Variants in PRKG1 observed in about 807,000 individuals in gnomAD.
The protein encoded by PRKG1 is cGMP-dependent protein kinase 1.
A neutral mutation model predicts 88.1 loss-of-function variants in PRKG1; 35 were observed. That is an observed-to-expected ratio of 0.40 (90% CI 0.30 to 0.53). The LOEUF (loss-of-function observed/expected upper bound fraction) is 0.53, where lower values mean the gene tolerates loss of function less well. Among genes scored for constraint, PRKG1 ranks in the 20% least tolerant of loss-of-function variants. The pLI is 0.59. For missense variants in PRKG1, 540 were observed against 839.8 expected, an observed-to-expected ratio of 0.64 and a Z score of 4.41; for synonymous variants, 303 against 292.5, an observed-to-expected ratio of 1.04 and a Z score of -0.37.
At chr10:52,147,582 G>A (rs1279296205) in intron 8 of PRKG1, among the ~76,000 whole-genome samples, 1 of 152,166 alleles carries the variant, frequency 6.6e-6, no homozygotes. Flanking sequence ...TACCAACAAA[G>A]TAAGTGGTAA....
At chr10:51,241,266 T>C (rs897261912) in intron 2 of PRKG1, among the ~76,000 whole-genome samples, 1 of 151,226 alleles carries the variant, frequency 6.6e-6, no homozygotes, top group African/African-American at 2.4e-5. Flanking sequence ...CACGGCGTCA[T>C]GGCACAGGCA....
chr10:51,562,291 T>C (rs568491974), intron 3 of PRKG1, among the ~76,000 whole-genome samples: 67 of 152,180 alleles, frequency 4.4e-4, no homozygotes, highest in African/African-American at 1.6e-3. Flanking sequence ...GGTTTTCATC[T>C]TTTGCAAGGG....
chr10:51,319,856 G>A (rs554697490), intron 2 of PRKG1: 1 of 154,940 alleles, frequency 6.5e-6, no homozygotes, highest in African/African-American at 2.4e-5. Flanking sequence ...CCATGTCCAA[G>A]ACTCTGAAAA....
At chr10:52,218,804 G>A (rs189287807) in intron 9 of PRKG1, among the ~76,000 whole-genome samples, 1 of 151,940 alleles carries the variant, frequency 6.6e-6, no homozygotes, top group East Asian at 1.9e-4. Flanking sequence ...TGTTTTCAGG[G>A]CCTCCCATGA....
chr10:51,467,013 T>C (rs1651352839), intron 2 of PRKG1, among the ~76,000 whole-genome samples: 1 of 152,112 alleles, frequency 6.6e-6, no homozygotes, highest in Non-Finnish European at 1.5e-5. Flanking sequence ...TGTATTTTTT[T>C]CATTTATCTC....
intron 4 of PRKG1, among the ~76,000 whole-genome samples, chr10:51,901,955 G>C (rs757787570): frequency 4.6e-5 from 7 of 152,034 alleles, no homozygotes; most frequent in South Asian, 4.2e-4. Context: ...CATACTTATG[G>C]AGTACATGTG....
intron 5 of PRKG1, among the ~76,000 whole-genome samples, chr10:52,007,493 A>G (rs1199413633): frequency 6.6e-6 from 1 of 152,230 alleles, no homozygotes; most frequent in Non-Finnish European, 1.5e-5. Flanking sequence ...TTCACACAAA[A>G]TAGACTTTAA....
At chr10:52,090,263 G>A (rs1015054581) in intron 7 of PRKG1, among the ~76,000 whole-genome samples, 8 of 151,786 alleles carry the variant, frequency 5.3e-5, no homozygotes, top group African/African-American at 9.7e-5. Flanking sequence ...TTTTTAAATG[G>A]CTACATACAA....
chr10:51,433,503 A>C (rs1311098390), intron 2 of PRKG1, among the ~76,000 whole-genome samples: 1 of 152,110 alleles, frequency 6.6e-6, no homozygotes, highest in Non-Finnish European at 1.5e-5. Flanking sequence ...GAATCTGGGA[A>C]ATAAAACCAC....
At chr10:51,385,218 A>G (rs1235314082) in intron 2 of PRKG1, among the ~76,000 whole-genome samples, 1 of 152,214 alleles carries the variant, frequency 6.6e-6, no homozygotes, top group African/African-American at 2.4e-5. Flanking sequence ...TGGTTGACAA[A>G]TATTCCAGAT....
chr10:51,863,029 A>C (rs1788279517), intron 4 of PRKG1, among the ~76,000 whole-genome samples: 1 of 152,090 alleles, frequency 6.6e-6, no homozygotes. Context: ...TATAAATCTC[A>C]TATCCTCTTT....
intron 1 of PRKG1, among the ~76,000 whole-genome samples, chr10:50,996,410 T>C (rs1842837624): frequency 6.6e-6 from 1 of 152,240 alleles, no homozygotes; most frequent in Admixed American, 6.5e-5. Context: ...GGAATCCTTC[T>C]AAATAGGAAG....
chr10:52,199,685 G>T lies in PRKG1; in HGVS notation c.1076+37722G>T, dbSNP rs572408355. Among the ~76,000 whole-genome samples the T allele has an allele frequency of 2.9e-3, 440 of 152,076 alleles. 2 individuals carry two copies. The highest frequency in any genetic ancestry group is 2.0e-3 in the Non-Finnish European group (139 of 67,970). ...TTCCCAACCCAAAGCCCCCTCCCTG[G>T]ATTTACTCCGTGACCCCAGTGCAGA... On this transcript the variant is annotated intron_variant, in intron 9 of 17. Coordinates refer to ENST00000373980, the MANE Select transcript of PRKG1 (RefSeq NM_006258.4).
intron 5 of PRKG1, among the ~76,000 whole-genome samples, chr10:52,041,003 A>AT (rs1845743591): frequency 6.6e-6 from 1 of 150,954 alleles, no homozygotes; most frequent in East Asian, 2.0e-4. Context: ...TGCCCTGCTT[A>AT]TTTTTTTGCA....
chr10:51,546,080 T>C (rs1842438887), intron 3 of PRKG1, among the ~76,000 whole-genome samples: 1 of 152,032 alleles, frequency 6.6e-6, no homozygotes, highest in Non-Finnish European at 1.5e-5. Flanking sequence ...GCTTCAAACA[T>C]TCACCAATAT....
intron 1 of PRKG1, among the ~76,000 whole-genome samples, chr10:51,019,914 C>A: frequency 6.6e-6 from 1 of 151,910 alleles, no homozygotes; most frequent in Admixed American, 6.6e-5. Flanking sequence ...CATCACTAGC[C>A]ATTAGGGAAA....
intron 2 of PRKG1, among the ~76,000 whole-genome samples, chr10:51,221,392 ATATT>A (rs1323420992): frequency 2.6e-5 from 4 of 152,122 alleles, no homozygotes; most frequent in Non-Finnish European, 5.9e-5. Flanking sequence ...CAAAATATAT[ATATT>A]TAAGATGTGC....
chr10:51,278,331 T>G (rs1322287367), intron 2 of PRKG1, among the ~76,000 whole-genome samples: 2 of 152,218 alleles, frequency 1.3e-5, no homozygotes, highest in African/African-American at 4.8e-5. Context: ...ATAAGCTTTT[T>G]GATGTGTTGC....
intron 3 of PRKG1, among the ~76,000 whole-genome samples, chr10:51,530,545 T>G (rs946268578): frequency 2.6e-5 from 4 of 152,174 alleles, no homozygotes; most frequent in African/African-American, 7.2e-5. Context: ...TTCCACATTT[T>G]GTATTGGAGC....
Sources: allele counts gnomAD v4.1 joint callset (sites outside exome capture counted in the v4.1 genomes callset), GRCh38; gene constraint gnomAD v4.1.1; transcripts MANE v1.5; gene names NCBI Gene and HGNC (gene_info 2026-07-23, HGNC 2026-07-21).